The following IGF2R variants were observed in gnomAD, a reference collection of about 807,000 sequenced individuals.
IGF2R encodes the protein cation-independent mannose-6-phosphate receptor.
IGF2R carries 91 observed loss-of-function variants against 270.6 expected under a neutral mutation model. The observed-to-expected ratio is 0.34, with a 90% confidence interval of 0.28 to 0.40. IGF2R has a LOEUF of 0.40. Ranked by LOEUF, IGF2R falls within the 10% of genes least tolerant of loss-of-function variation. The pLI, the probability that IGF2R is intolerant of heterozygous loss-of-function variation, is 1.00. For missense variants in IGF2R, 2,805 were observed against 3,188.3 expected, an observed-to-expected ratio of 0.88 and a Z score of 2.90; for synonymous variants, 1,316 against 1,258.9, an observed-to-expected ratio of 1.05 and a Z score of -0.96.
rs1056417770 is a variant in IGF2R, at chr6:160,029,804, AAGCTTCCTGGGAT to A, written c.882+156_882+168del. The A allele has an allele frequency of 4.1e-4, 246 of 606,012 alleles. No individual in the cohort carries two copies. In the African/African-American group the frequency reaches 4.2e-3, roughly 10 times the overall value. The allele number at this position is 606,012 out of a possible 1,614,324, so 37.5% of individuals were successfully genotyped here. A position where few individuals can be genotyped will look rare whatever the true frequency, so the allele number is the denominator to read the frequency against. On this transcript the variant is annotated intron_variant, in intron 7 of 47. Coordinates refer to ENST00000356956, the MANE Select transcript of IGF2R (RefSeq NM_000876.4). The stretch of plus-strand genomic sequence containing the variant: ...CACTGGTGGGTTCTCAGGAGAAGAC[AAGCTTCCTGGGAT>A]AGCTTCTGTCACATGCAGCTCACTC...
intron 6 of IGF2R, 42 bp from the exon 7 acceptor site, chr6:160,029,508 T>C: frequency 7.5e-7 from 1 of 1,336,146 alleles, no homozygotes; most frequent in South Asian, 1.2e-5. Context: ...TGGATGTACT[T>C]TATACTTTTG....
intron 36 of IGF2R, among the ~76,000 whole-genome samples, chr6:160,077,397 A>G (rs1778878293): frequency 6.6e-6 from 1 of 152,140 alleles, no homozygotes; most frequent in African/African-American, 2.4e-5. Flanking sequence ...CCTCATCATG[A>G]GTGATGCTTT....
intron 2 of IGF2R, among the ~76,000 whole-genome samples, chr6:160,000,203 G>A (rs1390214592): frequency 1.3e-5 from 2 of 152,208 alleles, no homozygotes; most frequent in African/African-American, 4.8e-5. Context: ...CTGATACTTG[G>A]TAATTTATGA....
Position 160,044,563 on chromosome 6 carries a change from A to G in IGF2R, c.1671A>G (p.Lys557=), listed in dbSNP as rs774586644. The stretch of plus-strand genomic sequence containing the variant: ...GAAAATTTATTTCCTCTCCCATGAA[A>G]GAGAAAGGAAACATTCAACTCTCTT... ...NLGKFISSPM[K]EKGNIQLSYS... Residue 557 remains lysine (K), a synonymous_variant, in exon 13 of 48, where the codon AAA becomes AAG. Transcript: ENST00000356956. 1.2e-6 allele frequency: 2 copies of G among 1,607,436 alleles called. No individual in the cohort carries two copies. Among genetic ancestry groups the G allele is most frequent in the Non-Finnish European group, 1.7e-6 (2 of 1,175,290 alleles).
At chr6:159,979,697 A>ACC (rs1783749660) in intron 1 of IGF2R, among the ~76,000 whole-genome samples, 2 of 152,118 alleles carry the variant, frequency 1.3e-5, no homozygotes, top group Admixed American at 6.5e-5. Context: ...TGCATGTCAG[A>ACC]CCCAGCGGGA....
chr6:160,084,856 T>C lies in IGF2R; in HGVS notation c.6069-139T>C. 1.2e-6 allele frequency: 1 copy of C among 800,712 alleles called. No homozygotes were observed. The highest frequency in any genetic ancestry group is 2.0e-6 in the Non-Finnish European group (1 of 506,732). The allele number at this position is 800,712 out of a possible 1,614,324, so 49.6% of individuals were successfully genotyped here. On this transcript the variant is annotated intron_variant, in intron 40 of 47. Transcript: ENST00000356956. The surrounding 1 kb of genome is among the most constrained non-coding windows in gnomAD (Gnocchi z 4.6). ...TTTTTTTTTTAATTGGAAAAGCTAT[T>C]TTAGTGCTACATTCAGTGATGGAAT...
rs768444193 is a variant in IGF2R, at chr6:160,044,664, A to C, written c.1765+7A>C. The C allele has an allele frequency of 6.3e-7, 1 of 1,593,598 alleles. No individual in the cohort carries two copies. Among genetic ancestry groups the C allele is most frequent in the Non-Finnish European group, 8.5e-7 (1 of 1,173,866 alleles). On this transcript the variant is annotated splice_region_variant and intron_variant, in intron 13 of 47. Coordinates refer to ENST00000356956, the MANE Select transcript of IGF2R (RefSeq NM_000876.4). ...ACACTTGTATGCAAGCCAGGTAAAA[A>C]TTTTAAAAAAGATGAAATCTTTTCT...
intron 1 of IGF2R, among the ~76,000 whole-genome samples, chr6:159,986,408 G>T (rs1439421670): frequency 2.8e-4 from 29 of 103,674 alleles, no homozygotes; most frequent in African/African-American, 1.1e-3. Context: ...ATTTTTGTGT[G>T]TGTGTGTGTG....
intron 4 of IGF2R, among the ~76,000 whole-genome samples, chr6:160,014,172 A>G (rs1777225898): frequency 6.6e-6 from 1 of 152,238 alleles, no homozygotes; most frequent in South Asian, 2.1e-4. Flanking sequence ...TTGTGTAAAT[A>G]TACCTCCTAC....
At chr6:160,021,101 A>G (rs1475069307) in intron 4 of IGF2R, among the ~76,000 whole-genome samples, 1 of 152,190 alleles carries the variant, frequency 6.6e-6, no homozygotes, top group African/African-American at 2.4e-5. Context: ...ACAACTCAAC[A>G]AGAAAAACCA....
At position 160,050,684 on chromosome 6, in the gene IGF2R, C is replaced by T. The variant is rs753012635; in HGVS notation, c.2694+32C>T. The T allele has an allele frequency of 3.8e-6, 6 of 1,567,338 alleles. No homozygotes were observed. The East Asian group carries it at 9.1e-5, about 24-fold the overall frequency. ...CACTGCTGCTGGCTGGTGACCTTCA[C>T]TGCTGCATTTTTTGACTGAGCGTTG... is the stretch of plus-strand genomic sequence containing the variant. On this transcript the variant is annotated intron_variant, in intron 19 of 47. Transcript: ENST00000356956. The surrounding 1 kb of genome is among the most constrained non-coding windows in gnomAD (Gnocchi z 4.0).
At chr6:159,974,574 T>C (rs1040745292) in intron 1 of IGF2R, among the ~76,000 whole-genome samples, 2 of 152,216 alleles carry the variant, frequency 1.3e-5, no homozygotes, top group Non-Finnish European at 1.5e-5. Flanking sequence ...GTGCTTTTGG[T>C]AGCTTGAGAA....
At chr6:160,060,043 C>T (rs141455677) in intron 22 of IGF2R, among the ~76,000 whole-genome samples, 34 of 152,344 alleles carry the variant, frequency 2.2e-4, no homozygotes, top group African/African-American at 7.0e-4. Flanking sequence ...TAACATAGGC[C>T]GCTGTTGCAG....
At chr6:160,057,379 C>T (rs975999008) in intron 20 of IGF2R, among the ~76,000 whole-genome samples, 56 of 152,232 alleles carry the variant, frequency 3.7e-4, no homozygotes, top group African/African-American at 1.2e-3. Context: ...TGCCTTCCCA[C>T]TTCCTGTTCT....
At chr6:159,984,136 G>C (rs1213590147) in intron 1 of IGF2R, among the ~76,000 whole-genome samples, 4 of 152,322 alleles carry the variant, frequency 2.6e-5, no homozygotes, top group Middle Eastern at 6.8e-3. Flanking sequence ...CAACCATTCT[G>C]AGAATTCTGC....
intron 45 of IGF2R, among the ~76,000 whole-genome samples, chr6:160,098,452 ACC>A (rs1440822405): frequency 1.3e-5 from 2 of 152,146 alleles, no homozygotes; most frequent in Admixed American, 6.5e-5. Flanking sequence ...TGCAGGTACC[ACC>A]CGGGGGTGAC....
rs780157989 is a variant in IGF2R, at chr6:160,090,003, C to T, written c.6555C>T (p.Asn2185=). The T allele has an allele frequency of 6.2e-7, 1 of 1,606,946 alleles. No individual in the cohort carries two copies. The highest frequency in any genetic ancestry group is 1.7e-5 in the Admixed American group (1 of 58,748). Residue 2185 remains asparagine (N), a synonymous_variant, in exon 44 of 48, where the codon AAC becomes AAT. Coordinates refer to ENST00000356956, the MANE Select transcript of IGF2R (RefSeq NM_000876.4). ...IQLSSITSSR[N]PACSGANICQ... ...TTTCCTCCATCACAAGCTCCAGAAA[C>T]CCGGCGTGCTCTGGAGCCAACATAT...
intron 10 of IGF2R, among the ~76,000 whole-genome samples, chr6:160,036,275 C>T (rs182166289): frequency 2.0e-4 from 30 of 152,254 alleles, no homozygotes; most frequent in Non-Finnish European, 4.3e-4. Context: ...ATTCTCTCAT[C>T]GCCCTCACCT....
rs548498223 is a variant in IGF2R at position 160,046,712 on chromosome 6, T to C, written c.2051+67T>C. ...TGCTAAGAAATATTATTTTCAGGAA[T>C]AGGTGTGTTCTCACTTAATGTCATT... On this transcript the variant is annotated intron_variant, in intron 15 of 47. Transcript: ENST00000356956. 15 of 1,512,278 alleles carry C rather than the reference T, an allele frequency of 9.9e-6. No homozygotes were observed. The African/African-American group carries it at 1.4e-4, about 14-fold the overall frequency. The allele number at this position is 1,512,278 out of a possible 1,614,324, so 93.7% of individuals were successfully genotyped here.
Sources: gnomAD v4.1 joint callset for allele counts (sites outside exome capture counted in the v4.1 genomes callset) on GRCh38, gnomAD v4.1.1 for gene constraint, Gnocchi (gnomAD v3.1) non-coding constraint, MANE v1.5 for transcripts, NCBI Gene and HGNC (gene_info 2026-07-23, HGNC 2026-07-21) for gene names.